CDC14B: variants seen among roughly 807,000 people sequenced by gnomAD.
The protein encoded by CDC14B is cell division cycle 14B, also known as dual specificity protein phosphatase CDC14B.
A neutral mutation model predicts 64.2 loss-of-function variants in CDC14B; 22 were observed. That is an observed-to-expected ratio of 0.34 (90% confidence interval 0.24 to 0.49). The LOEUF (loss-of-function observed/expected upper bound fraction) is 0.49, where lower values mean the gene tolerates loss of function less well. CDC14B is among the 20% of genes least tolerant of loss of function. CDC14B has a pLI of 0.99. For synonymous variants in CDC14B, 191 were observed against 215.8 expected, an observed-to-expected ratio of 0.89 and a Z score of 1.01; for missense variants, 498 against 629.9, an observed-to-expected ratio of 0.79 and a Z score of 2.24.
chr9:96,615,163 G>A (rs1847546315), intron 1 of CDC14B, among the ~76,000 whole-genome samples: 1 of 152,082 alleles, frequency 6.6e-6, no homozygotes, highest in Admixed American at 6.6e-5. Flanking sequence ...ATGACCTTTT[G>A]TTTTCATGGT....
chr9:96,521,931 CAACT>C (rs1317908166), intron 12 of CDC14B, among the ~76,000 whole-genome samples: 2 of 152,178 alleles, frequency 1.3e-5, no homozygotes, highest in East Asian at 1.9e-4. Context: ...GGTTGAATCC[CAACT>C]AACACACATT....
intron 1 of CDC14B, among the ~76,000 whole-genome samples, chr9:96,601,952 A>G (rs1395671188): frequency 6.9e-6 from 1 of 144,128 alleles, no homozygotes; most frequent in African/African-American, 2.6e-5. Flanking sequence ...CCAGCTACTC[A>G]GGAGGCTGAG....
intron 13 of CDC14B, among the ~76,000 whole-genome samples, chr9:96,508,938 T>C (rs1453114393): frequency 6.6e-6 from 1 of 152,090 alleles, no homozygotes; most frequent in African/African-American, 2.4e-5. Flanking sequence ...AAGAGATCGT[T>C]TTTACCAGGA....
chr9:96,542,027 G>C, intron 5 of CDC14B, 135 bp from the exon 6 acceptor site: 1 of 501,592 alleles, frequency 2.0e-6, no homozygotes. Context: ...CTCGCCTTTT[G>C]ACTTTTAAAT....
chr9:96,542,254 G>T (rs1840162433), intron 5 of CDC14B, among the ~76,000 whole-genome samples: 1 of 144,520 alleles, frequency 6.9e-6, no homozygotes, highest in Admixed American at 6.7e-5. Flanking sequence ...CTTTAAACTG[G>T]AAAATACCGT....
intron 4 of CDC14B, among the ~76,000 whole-genome samples, chr9:96,554,349 T>G (rs1371361136): frequency 6.6e-6 from 1 of 152,214 alleles, no homozygotes; most frequent in East Asian, 1.9e-4. Flanking sequence ...TATACAAATT[T>G]TTCCTTAAGC....
chr9:96,531,549 T>G (rs187451859), intron 9 of CDC14B, among the ~76,000 whole-genome samples: 56 of 152,264 alleles, frequency 3.7e-4, no homozygotes, highest in Admixed American at 1.3e-3. Flanking sequence ...AGCTAAAGGT[T>G]TATCATTTTT....
chr9:96,573,866 G>A (rs1187473304), intron 1 of CDC14B, among the ~76,000 whole-genome samples: 2 of 152,132 alleles, frequency 1.3e-5, no homozygotes, highest in African/African-American at 4.8e-5. Flanking sequence ...AAAACAAGAA[G>A]GCCGGGTGCA....
At chr9:96,552,351 A>G (rs563137269) in intron 4 of CDC14B, among the ~76,000 whole-genome samples, 42 of 152,356 alleles carry the variant, frequency 2.8e-4, no homozygotes, top group African/African-American at 1.0e-3. Flanking sequence ...CAAGTTGATT[A>G]TCAAACTGCA....
At chr9:96,495,346 G>T (rs1433730772), downstream of CDC14B, among the ~76,000 whole-genome samples, 1 of 152,082 alleles carries the variant, frequency 6.6e-6, no homozygotes, top group African/African-American at 2.4e-5. Context: ...AAGGGACTGA[G>T]GGCGCCTTCA....
intron 1 of CDC14B, chr9:96,567,095 C>T (rs910347832): frequency 1.3e-6 from 1 of 771,196 alleles, no homozygotes; most frequent in Non-Finnish European, 1.9e-6. Context: ...TGGCCGCCCG[C>T]CTTCCTTCCC....
chr9:96,560,606 C>T lies in CDC14B; in HGVS notation c.420+2087G>A, dbSNP rs187865156. 5.0e-3 allele frequency among the ~76,000 whole-genome samples: 583 copies of T among 117,190 alleles called. 6 individuals are homozygous for T. Among genetic ancestry groups the T allele is most frequent in the African/African-American group, 0.024 (555 of 22,872 alleles). The allele number at this position is 117,190 out of a possible 152,430, so 76.9% of individuals were successfully genotyped here. ...TCTCTTTTTTTTTTTTTTTTTGAGA[C>T]GGGGTCTCATTCTGTTGCCCAGGCT... is the stretch of plus-strand genomic sequence containing the variant. On this transcript the variant is annotated intron_variant, in intron 4 of 13. Coordinates refer to ENST00000375241, the MANE Select transcript of CDC14B (RefSeq NM_033331.4).
At chr9:96,611,585 T>A (rs570653574) in intron 1 of CDC14B, among the ~76,000 whole-genome samples, 6 of 152,312 alleles carry the variant, frequency 3.9e-5, no homozygotes, top group African/African-American at 1.2e-4. Flanking sequence ...AAACAAAAAA[T>A]ACTGGCTACT....
intron 9 of CDC14B, among the ~76,000 whole-genome samples, chr9:96,524,570 T>G (rs1275861918): frequency 1.3e-5 from 2 of 152,210 alleles, no homozygotes; most frequent in Admixed American, 6.5e-5. Context: ...TGATGGTTAA[T>G]TTTATGTGTC....
chr9:96,584,399 A>T (rs1319846491), intron 1 of CDC14B, among the ~76,000 whole-genome samples: 1 of 152,304 alleles, frequency 6.6e-6, no homozygotes, highest in Non-Finnish European at 1.5e-5. Flanking sequence ...ATTAGATTAC[A>T]TATGGTATCA....
At chr9:96,604,454 C>T (rs1347445710) in intron 1 of CDC14B, among the ~76,000 whole-genome samples, 2 of 151,190 alleles carry the variant, frequency 1.3e-5, no homozygotes, top group Non-Finnish European at 2.9e-5. Context: ...CATCTTGGCT[C>T]ACCACAACCT....
intron 1 of CDC14B, among the ~76,000 whole-genome samples, chr9:96,608,915 AC>A (rs1564393097): frequency 1.3e-5 from 2 of 151,972 alleles, no homozygotes; most frequent in African/African-American, 4.8e-5. Context: ...ACACACACAC[AC>A]ACACACACAC....
chr9:96,528,799 T>A (rs547485000), intron 9 of CDC14B, among the ~76,000 whole-genome samples: 1 of 152,352 alleles, frequency 6.6e-6, no homozygotes, highest in South Asian at 2.1e-4. Flanking sequence ...ATAACAGCCA[T>A]CCCAATGGGT....
intron 4 of CDC14B, among the ~76,000 whole-genome samples, chr9:96,557,669 TTTAA>T (rs1842665480): frequency 6.6e-6 from 1 of 152,216 alleles, no homozygotes; most frequent in Non-Finnish European, 1.5e-5. Context: ...TATTCTTAAA[TTTAA>T]TTAGTATCAT....
Sources: gnomAD v4.1 joint callset for allele counts (sites outside exome capture counted in the v4.1 genomes callset) on GRCh38, gnomAD v4.1.1 for gene constraint, MANE v1.5 for transcripts, NCBI Gene and HGNC (gene_info 2026-07-23, HGNC 2026-07-21) for gene names.